AHRR: variants seen among roughly 807,000 people sequenced by gnomAD.
AHRR encodes ahR repressor.
In AHRR, 28 loss-of-function variants were observed where a neutral mutation model predicts 44.0. The observed-to-expected ratio is 0.64, with a 90% confidence interval of 0.47 to 0.87. The LOEUF (loss-of-function observed/expected upper bound fraction) is 0.87, where lower values mean the gene tolerates loss of function less well. Among genes scored for constraint, AHRR ranks in the 40% least tolerant of loss-of-function variants. The pLI, the probability that AHRR is intolerant of heterozygous loss-of-function variation, is 0.00. For synonymous variants in AHRR, 434 were observed against 407.0 expected (o/e 1.07, Z -0.80); for missense variants, 990 against 953.9 (o/e 1.04, Z -0.50).
Position 404,645 on chromosome 5 carries a change from G to A in AHRR, c.352-8699G>A, listed in dbSNP as rs899996460. ...AAAATTCACTCTCTTGGTTGAGTCA[G>A]TAATACGAGGGACATGGAAGTCTGG... is the stretch of plus-strand genomic sequence containing the variant. On this transcript the variant is annotated intron_variant, in intron 4 of 10. Transcript: ENST00000684583. This position sits in a 1 kb window ranked among gnomAD's most constrained non-coding sequence, Gnocchi z 4.1. The A allele has an allele frequency of 3.5e-5, 7 of 202,638 alleles. No homozygotes were observed. In the South Asian group the frequency reaches 6.2e-4, roughly 18 times the overall value. The allele number at this position is 202,638 out of a possible 1,614,324, so 12.6% of individuals were successfully genotyped here. A position where few individuals can be genotyped will look rare whatever the true frequency, so the allele number is the denominator to read the frequency against.
chr5:415,697 C>CCGAATCTCCCTGGTCAGGCG (rs1560916484), intron 5 of AHRR, among the ~76,000 whole-genome samples: 1 of 151,432 alleles, frequency 6.6e-6, no homozygotes, highest in Non-Finnish European at 1.5e-5. Context: ...GGCCTAGGGG[C>CCGAATCTCCCTGGTCAGGCG]GGAGTCTGCC....
chr5:345,182 ATGTGTGTG>A (rs370649210), intron 2 of AHRR, among the ~76,000 whole-genome samples: 2 of 870 alleles, frequency 2.3e-3, no homozygotes, highest in African/African-American at 0.014. Context: ...GTGTGTGGGG[ATGTGTGTG>A]TGTGTGTGTG....
At chr5:412,251 A>G (rs908920625) in intron 4 of AHRR, among the ~76,000 whole-genome samples, 2 of 152,234 alleles carry the variant, frequency 1.3e-5, no homozygotes, top group Non-Finnish European at 2.9e-5. Flanking sequence ...TTAAGATGCC[A>G]TAGTTAATGT....
intron 6 of AHRR, 140 bp downstream of exon 6, chr5:422,998 C>G: frequency 8.4e-7 from 1 of 1,184,162 alleles, no homozygotes; most frequent in Non-Finnish European, 1.2e-6. Context: ...TCTCACCTTT[C>G]TTCAGAGGCC....
intron 5 of AHRR, among the ~76,000 whole-genome samples, chr5:415,459 CCGAGTCTGCCTGGTCGGGTG>C (rs1735715802): frequency 1.7e-5 from 2 of 118,420 alleles, no homozygotes; most frequent in African/African-American, 4.5e-5. Flanking sequence ...GGCCTAGGGG[CCGAGTCTGCCTGGTCGGGTG>C]GGAGGCCTAG....
intron 4 of AHRR, among the ~76,000 whole-genome samples, chr5:397,203 A>G (rs71597637): frequency 5.9e-3 from 222 of 37,524 alleles, no homozygotes; most frequent in African/African-American, 0.013. Context: ...GACCATCCAC[A>G]TAGCCCCTGA....
chr5:371,420 A>G (rs1743577578), intron 3 of AHRR, among the ~76,000 whole-genome samples: 1 of 152,160 alleles, frequency 6.6e-6, no homozygotes, highest in Non-Finnish European at 1.5e-5. Flanking sequence ...CTGAGTCAGG[A>G]TTTCAGCCCA....
At chr5:366,473 T>G (rs1170562025) in intron 3 of AHRR, among the ~76,000 whole-genome samples, 1 of 152,160 alleles carries the variant, frequency 6.6e-6, no homozygotes, top group East Asian at 1.9e-4. Flanking sequence ...CACAACAGGC[T>G]AATTAATGGC....
chr5:377,754 G>A (rs573552038), intron 4 of AHRR, among the ~76,000 whole-genome samples: 1 of 152,360 alleles, frequency 6.6e-6, no homozygotes, highest in Middle Eastern at 3.4e-3. Context: ...GAAGCCTGGA[G>A]CCTGCGGGAG....
rs1369445303 is a variant in AHRR at position 338,992 on chromosome 5, A to G, written c.-10-4901A>G. ...TTAAAAATCTGAATTCCAGTTGTTC[A>G]TTGCTAGTATCTAGAAACACAATTT... On this transcript the variant is annotated intron_variant, in intron 1 of 10. Transcript: ENST00000684583. The surrounding 1 kb of genome is among the most constrained non-coding windows in gnomAD (Gnocchi z 4.1). 2.0e-5 allele frequency among the ~76,000 whole-genome samples: 3 copies of G among 152,178 alleles called. No homozygotes were observed. The highest frequency in any genetic ancestry group is 4.4e-5 in the Non-Finnish European group (3 of 68,026).
chr5:347,436 A>G (rs1473586133), intron 2 of AHRR, among the ~76,000 whole-genome samples: 3 of 152,224 alleles, frequency 2.0e-5, no homozygotes, highest in African/African-American at 7.2e-5. Flanking sequence ...CCTTACTTCA[A>G]GTTTATAGGA....
chr5:336,196 T>C (rs1742112406), intron 1 of AHRR, among the ~76,000 whole-genome samples: 1 of 152,256 alleles, frequency 6.6e-6, no homozygotes, highest in Non-Finnish European at 1.5e-5. Context: ...AGGGACTGCA[T>C]GATTCTCCAG....
intron 4 of AHRR, among the ~76,000 whole-genome samples, chr5:397,433 G>GT (rs1734776733): frequency 3.3e-5 from 3 of 90,624 alleles, no homozygotes; most frequent in South Asian, 1.1e-3. Context: ...GACCATCCAC[G>GT]TAGCTCCTGA....
rs2434703 is a variant in AHRR, at chr5:363,503, T to A, written c.244+9592T>A. ...ACCCTTCTGGGCAGGATTTAAGACA[T>A]CCCAGGCCAGTGTTCAGGCACTATG... On this transcript the variant is annotated intron_variant, in intron 3 of 10. Coordinates refer to ENST00000684583, the MANE Select transcript of AHRR (RefSeq NM_001377236.1). 2.8e-4 allele frequency among the ~76,000 whole-genome samples: 42 copies of A among 152,250 alleles called. No homozygotes were observed. The East Asian group carries it at 7.7e-3, about 28-fold the overall frequency.
At chr5:394,763 C>T (rs1402640790) in intron 4 of AHRR, among the ~76,000 whole-genome samples, 3 of 152,246 alleles carry the variant, frequency 2.0e-5, no homozygotes, top group Non-Finnish European at 2.9e-5. Flanking sequence ...CCGGACAGGG[C>T]TGGCCCTGGT....
intron 3 of AHRR, among the ~76,000 whole-genome samples, chr5:373,896 C>A (rs1224289231): frequency 4.0e-5 from 6 of 150,760 alleles, no homozygotes; most frequent in African/African-American, 1.5e-4. Flanking sequence ...CTGGCCCCAT[C>A]GCGTGACGGC....
chr5:427,374 T>C (rs540066076), intron 7 of AHRR, among the ~76,000 whole-genome samples: 9 of 152,154 alleles, frequency 5.9e-5, no homozygotes, highest in Non-Finnish European at 1.0e-4. Context: ...GAATTGATAA[T>C]TTGGAAATGG....
chr5:343,616 A>C, intron 1 of AHRR: 1 of 441,312 alleles, frequency 2.3e-6, no homozygotes, highest in Non-Finnish European at 4.0e-6. Context: ...GCCCTGAGCC[A>C]GGCTCCAGAG....
intron 5 of AHRR, chr5:420,793 G>A (rs1384622689): frequency 1.1e-5 from 1 of 87,492 alleles, no homozygotes; most frequent in Non-Finnish European, 2.0e-5. Context: ...CGCGCTGCAC[G>A]CACGCAGCCA....
Sources: allele counts gnomAD v4.1 joint callset (sites outside exome capture counted in the v4.1 genomes callset), GRCh38; gene constraint gnomAD v4.1.1; non-coding constraint Gnocchi (gnomAD v3.1); transcripts MANE v1.5; gene names NCBI Gene and HGNC (gene_info 2026-07-23, HGNC 2026-07-21).